Variants in AKAP13 observed in about 807,000 individuals in gnomAD.
The protein encoded by AKAP13 is A-kinase anchoring protein 13.
In AKAP13, 80 loss-of-function variants were observed where a neutral mutation model predicts 264.5. The observed-to-expected ratio is 0.30, with a 90% CI of 0.25 to 0.36. The LOEUF is 0.36. Among genes scored for constraint, AKAP13 ranks in the 10% least tolerant of loss-of-function variants. AKAP13 has a pLI of 1.00. For missense variants in AKAP13, 3,712 were observed against 3,435.2 expected, an observed-to-expected ratio of 1.08 and a Z score of -2.01; for synonymous variants, 1,380 against 1,250.2, an observed-to-expected ratio of 1.10 and a Z score of -2.19.
chr15:85,533,558 T>C (rs775456191), intron 3 of AKAP13, 26 bp from the exon 4 acceptor site: 76 of 1,577,128 alleles, frequency 4.8e-5, no homozygotes, highest in Non-Finnish European at 6.4e-5. Context: ...TAATACTGTT[T>C]TATTTGCTGC....
rs114671257 is a variant in AKAP13, at chr15:85,620,273, G to T, written c.4162-19101G>T. 2,418 of 1,141,128 alleles carry T rather than the reference G, an allele frequency of 2.1e-3. 36 individuals carry two copies. In the African/African-American group the frequency reaches 0.033, roughly 16 times the overall value. 70.7% of individuals were successfully genotyped at this position (1,141,128 alleles called of 1,614,324 possible). On this transcript the variant is annotated intron_variant, in intron 8 of 36. Coordinates refer to ENST00000394518, the MANE Select transcript of AKAP13 (RefSeq NM_007200.5). ...CTGGCCCTCCTGTATTGGGAGAAAGGCCGAGAAATCTGTGCACAGTGGAGG... is the reference window on the plus strand; with the variant it reads ...CTGGCCCTCCTGTATTGGGAGAAAGTCCGAGAAATCTGTGCACAGTGGAGG...
At chr15:85,563,199 T>A (rs1479602168) in intron 5 of AKAP13, among the ~76,000 whole-genome samples, 3 of 152,066 alleles carry the variant, frequency 2.0e-5, no homozygotes, top group Non-Finnish European at 4.4e-5. Flanking sequence ...TGTAGTGAAT[T>A]GGTATTTTTT....
At chr15:85,735,656 A>G in intron 32 of AKAP13, 26 bp downstream of exon 32, 1 of 1,597,932 alleles carries the variant, frequency 6.3e-7, no homozygotes, top group Non-Finnish European at 8.5e-7. Context: ...ATACACCATG[A>G]ACCTCCTTGG....
Position 85,409,186 on chromosome 15 carries a change from A to G in AKAP13, c.-12+28388A>G, listed in dbSNP as rs2071821082. 2.0e-5 allele frequency among the ~76,000 whole-genome samples: 3 copies of G among 151,476 alleles called. 1 individual carries two copies. Among genetic ancestry groups the G allele is most frequent in the Admixed American group, 2.0e-4 (3 of 15,240 alleles). ...TTCATTTTTATTTTATTTTAATTTAATTATTTTTTTGAGATGGAGTTTCAC... is the reference window on the plus strand; with the variant it reads ...TTCATTTTTATTTTATTTTAATTTAGTTATTTTTTTGAGATGGAGTTTCAC... On this transcript the variant is annotated intron_variant, in intron 1 of 36. Coordinates refer to ENST00000394518, the MANE Select transcript of AKAP13 (RefSeq NM_007200.5).
intron 1 of AKAP13, chr15:85,415,223 C>A (rs2072186129): frequency 1.3e-6 from 2 of 1,546,852 alleles, no homozygotes; most frequent in East Asian, 4.7e-5. Flanking sequence ...CGCCCGCACC[C>A]CTCATGGCCA....
rs762849341 is a variant in AKAP13 at position 85,581,995 on chromosome 15, A to C, written c.3927A>C (p.Leu1309=). Reference sequence around the variant, plus strand: ...GTACTTTCCCACCTGGGGAGAGCCTACCAATGGGCAGTACTCCTGAGGAAG... The same window carrying C: ...GTACTTTCCCACCTGGGGAGAGCCTCCCAATGGGCAGTACTCCTGAGGAAG... ...KVSTFPPGES[L]PMGSTPEEAT... The change falls in exon 7 of 37, where the codon CTA becomes CTC. Residue 1309 remains leucine (L), a synonymous_variant. Transcript: ENST00000394518. The C allele has an allele frequency of 6.2e-7, 1 of 1,614,128 alleles. No individual in the cohort carries two copies. The highest frequency in any genetic ancestry group is 1.1e-5 in the South Asian group (1 of 91,086).
chr15:85,625,326 A>G (rs1362827048), intron 8 of AKAP13, among the ~76,000 whole-genome samples: 1 of 152,198 alleles, frequency 6.6e-6, no homozygotes. Flanking sequence ...AATTATTTGC[A>G]TTGCCAACAC....
chr15:85,635,217 G>T (rs1347790975), intron 8 of AKAP13: 1 of 396,864 alleles, frequency 2.5e-6, no homozygotes, highest in African/African-American at 2.1e-5. Context: ...CCACATCTTT[G>T]CCAACATTTG....
chr15:85,695,027 A>G (rs2151643987), intron 17 of AKAP13, among the ~76,000 whole-genome samples: 1 of 152,042 alleles, frequency 6.6e-6, no homozygotes, highest in East Asian at 1.9e-4. Context: ...TCCTGACATC[A>G]AGTGATCTTC....
intron 2 of AKAP13, among the ~76,000 whole-genome samples, chr15:85,490,533 G>A (rs565490739): frequency 4.6e-5 from 7 of 152,370 alleles, no homozygotes; most frequent in Admixed American, 1.3e-4. Context: ...AGCTAAAAGA[G>A]TGGATGGAAT....
intron 17 of AKAP13, among the ~76,000 whole-genome samples, chr15:85,698,140 G>C (rs538918782): frequency 6.6e-6 from 1 of 152,090 alleles, no homozygotes; most frequent in African/African-American, 2.4e-5. Flanking sequence ...AGTATATTTT[G>C]TATAGTATAT....
At chr15:85,731,797 T>C (rs2088057988) in intron 30 of AKAP13, among the ~76,000 whole-genome samples, 1 of 152,040 alleles carries the variant, frequency 6.6e-6, no homozygotes, top group South Asian at 2.1e-4. Flanking sequence ...ACATGTTTGA[T>C]GGGGCCAGGC....
At chr15:85,669,257 A>G (rs1275538072) in intron 13 of AKAP13, among the ~76,000 whole-genome samples, 1 of 152,146 alleles carries the variant, frequency 6.6e-6, no homozygotes, top group Admixed American at 6.5e-5. Flanking sequence ...AATAATAAAT[A>G]AAGTAAAATC....
chr15:85,504,353 CTT>C (rs2076125589), intron 2 of AKAP13, among the ~76,000 whole-genome samples: 1 of 151,702 alleles, frequency 6.6e-6, no homozygotes, highest in Admixed American at 6.6e-5. Context: ...ACTTCTAACT[CTT>C]TCATTAAATT....
intron 35 of AKAP13, among the ~76,000 whole-genome samples, chr15:85,741,738 AAAAC>A (rs1567226035): frequency 2.6e-5 from 4 of 150,994 alleles, no homozygotes; most frequent in Non-Finnish European, 5.9e-5. Context: ...ACAAAAAAAA[AAAAC>A]AGTTTTTAAG....
At chr15:85,704,259 T>G (rs972282645) in intron 17 of AKAP13, among the ~76,000 whole-genome samples, 4 of 152,206 alleles carry the variant, frequency 2.6e-5, no homozygotes, top group African/African-American at 9.7e-5. Flanking sequence ...CTCCCAAAGG[T>G]GGCTCGTTTC....
chr15:85,638,819 C>T (rs1456505731), intron 8 of AKAP13, among the ~76,000 whole-genome samples: 3 of 151,718 alleles, frequency 2.0e-5, no homozygotes, highest in African/African-American at 7.3e-5. Context: ...TGCAGTGGCG[C>T]GATCTCTGCT....
Position 85,744,845 on chromosome 15 carries a change from G to GC in AKAP13, c.*168_*169insC. 1 of 567,930 alleles carries GC rather than the reference G, an allele frequency of 1.8e-6. No homozygotes were observed. Among genetic ancestry groups the GC allele is most frequent in the South Asian group, 2.4e-5 (1 of 41,388 alleles). 35.2% of individuals were successfully genotyped at this position (567,930 alleles called of 1,614,324 possible). ...CAATAAGCAACAGATGATATTGAGT[G>GC]TCGGGTGGGGAAGGAGGCCCAGACT... is the stretch of plus-strand genomic sequence containing the variant. On this transcript the variant is annotated 3_prime_UTR_variant, in exon 37 of 37. Transcript: ENST00000394518.
intron 5 of AKAP13, among the ~76,000 whole-genome samples, chr15:85,549,061 C>T (rs1474949239): frequency 2.0e-5 from 3 of 152,064 alleles, no homozygotes; most frequent in South Asian, 2.1e-4. Context: ...CTTCTAATGC[C>T]TATGTCAGTT....
Sources: gnomAD v4.1 joint callset for allele counts (sites outside exome capture counted in the v4.1 genomes callset) on GRCh38, gnomAD v4.1.1 for gene constraint, MANE v1.5 for transcripts, NCBI Gene and HGNC (gene_info 2026-07-23, HGNC 2026-07-21) for gene names.